Variants in JADE1 observed in about 807,000 individuals in gnomAD.
The protein encoded by JADE1 is protein Jade-1.
A neutral mutation model predicts 81.8 loss-of-function variants in JADE1; 14 were observed. That is an observed-to-expected ratio of 0.17 (90% CI 0.11 to 0.27). The LOEUF is 0.27. JADE1 is among the 10% of genes least tolerant of loss of function. The probability of loss-of-function intolerance (pLI) is 1.00; values close to 1 mark genes in which losing one functional copy is unlikely to be tolerated. For missense variants in JADE1, 690 were observed against 1,047.9 expected (o/e 0.66, Z 4.71); for synonymous variants, 353 against 391.9 (o/e 0.90, Z 1.17).
rs1293035855 is a variant in JADE1, at chr4:128,871,626, G to C, written c.1893G>C (p.Leu631Phe). The change falls in exon 11 of 11, where the codon TTG (leucine) becomes TTC (phenylalanine). Residue 631 changes from leucine to phenylalanine, a missense_variant. Coordinates refer to ENST00000226319, the MANE Select transcript of JADE1 (RefSeq NM_199320.4). The surrounding 1 kb of genome is among the most constrained non-coding windows in gnomAD (Gnocchi z 4.1). ...REGMVVPESF[L>F]GLEKTFAEAR... Reference sequence around the variant, plus strand: ...GGATGGTGGTCCCAGAGAGCTTTTTGGGTTTAGAAAAGACCTTTGCAGAAG... The same window carrying C: ...GGATGGTGGTCCCAGAGAGCTTTTTCGGTTTAGAAAAGACCTTTGCAGAAG... The C allele has an allele frequency of 6.2e-7, 1 of 1,614,144 alleles. No homozygotes were observed. Among genetic ancestry groups the C allele is most frequent in the South Asian group, 1.1e-5 (1 of 91,080 alleles).
chr4:128,835,184 G>A (rs1318108967), intron 2 of JADE1, among the ~76,000 whole-genome samples: 1 of 152,214 alleles, frequency 6.6e-6, no homozygotes, highest in African/African-American at 2.4e-5. Context: ...TGGTGGTGGA[G>A]GAGAGGAATG....
chr4:128,857,328 C>T lies in JADE1; in HGVS notation c.865-10C>T, dbSNP rs375950317. On this transcript the variant is annotated splice_polypyrimidine_tract_variant and intron_variant, in intron 7 of 10. Coordinates refer to ENST00000226319, the MANE Select transcript of JADE1 (RefSeq NM_199320.4). The stretch of plus-strand genomic sequence containing the variant: ...TGAGCCACCCTGTCTTGCTGTTTTC[C>T]GACCTTTAGGTGAGCATTGGCAGCC... The T allele has an allele frequency of 2.1e-5, 34 of 1,610,842 alleles. No individual in the cohort carries two copies. Among genetic ancestry groups the T allele is most frequent in the African/African-American group, 8.0e-5 (6 of 74,812 alleles).
chr4:128,851,490 A>G (rs931760487), intron 5 of JADE1, among the ~76,000 whole-genome samples: 1 of 152,188 alleles, frequency 6.6e-6, no homozygotes, highest in Non-Finnish European at 1.5e-5. Flanking sequence ...ATATCCTTGA[A>G]TCCTTTTAAA....
chr4:128,846,596 C>T lies in JADE1; in HGVS notation c.296+64C>T. Reference sequence around the variant, plus strand: ...CTTGCTCTTCTTCCCTGACAGCAGGCATCTGAGAAGAGACAATTTCTGTGG... The same window carrying T: ...CTTGCTCTTCTTCCCTGACAGCAGGTATCTGAGAAGAGACAATTTCTGTGG... On this transcript the variant is annotated intron_variant, in intron 4 of 10. Transcript: ENST00000226319. The surrounding 1 kb of genome is among the most constrained non-coding windows in gnomAD (Gnocchi z 4.0). 2 of 1,546,674 alleles carry T rather than the reference C, an allele frequency of 1.3e-6. No homozygotes were observed. The highest frequency in any genetic ancestry group is 1.8e-6 in the Non-Finnish European group (2 of 1,129,944).
intron 3 of JADE1, among the ~76,000 whole-genome samples, chr4:128,844,431 CAT>C (rs1290333024): frequency 3.9e-5 from 6 of 152,188 alleles, no homozygotes; most frequent in African/African-American, 1.4e-4. Context: ...AGTTGACGTC[CAT>C]TTGAGGGCCT....
intron 9 of JADE1, among the ~76,000 whole-genome samples, chr4:128,867,331 C>T (rs1335641885): frequency 1.3e-5 from 2 of 152,224 alleles, no homozygotes; most frequent in East Asian, 1.9e-4. Flanking sequence ...TTTGGTCTTC[C>T]AGTGGGCCTG....
At position 128,872,022 on chromosome 4, in the gene JADE1, A is replaced by G. The variant is rs1296890586; in HGVS notation, c.2289A>G (p.Gly763=). 1.2e-6 allele frequency: 2 copies of G among 1,613,956 alleles called. No individual in the cohort carries two copies. The highest frequency in any genetic ancestry group is 1.7e-5 in the Admixed American group (1 of 59,996). Residue 763 remains glycine (G), a synonymous_variant, in exon 11 of 11, where the codon GGA becomes GGG. Coordinates refer to ENST00000226319, the MANE Select transcript of JADE1 (RefSeq NM_199320.4). Reference sequence around the variant, plus strand: ...AGAAGGGGGAACGGCAGCAGCAGGGAGAGGCCCACGATGGGGCCTGCCACC... The same window carrying G: ...AGAAGGGGGAACGGCAGCAGCAGGGGGAGGCCCACGATGGGGCCTGCCACC... The part of the protein sequence containing the change: ...IPKKGERQQQ[G]EAHDGACHQH...
At chr4:128,843,095 G>T (rs921421851) in intron 3 of JADE1, 57 bp downstream of exon 3, 2 of 1,404,788 alleles carry the variant, frequency 1.4e-6, no homozygotes, top group African/African-American at 1.4e-5. Context: ...CATATGCCTA[G>T]TTGAGTGGTA....
chr4:128,873,294 AAAAAG>A lies in JADE1; in HGVS notation c.*1037_*1041del, dbSNP rs1224440303. Reference sequence around the variant, plus strand: ...AAAAGAAAAAAAGAAAAAAAAAAGAAAAAAGAAAAAAAGAGAAAAAAGCGAAATAG... The same window carrying A: ...AAAAGAAAAAAAGAAAAAAAAAAGAAAAAAAAAGAGAAAAAAGCGAAATAG... On this transcript the variant is annotated 3_prime_UTR_variant, in exon 11 of 11. Transcript: ENST00000226319. The A allele has an allele frequency of 6.6e-6, 1 of 151,956 alleles. No homozygotes were observed. The highest frequency in any genetic ancestry group is 1.5e-5 in the Non-Finnish European group (1 of 68,088). 9.4% of individuals were successfully genotyped at this position (151,956 alleles called of 1,614,324 possible). A position where few individuals can be genotyped will look rare whatever the true frequency, so the allele number is the denominator to read the frequency against.
chr4:128,868,840 G>A (rs1212204439), intron 10 of JADE1, among the ~76,000 whole-genome samples: 2 of 152,122 alleles, frequency 1.3e-5, no homozygotes, highest in Non-Finnish European at 2.9e-5. Context: ...TCTTAGACTG[G>A]ACTTCATTGG....
chr4:128,852,431 T>TA (rs1191516541), intron 6 of JADE1, among the ~76,000 whole-genome samples, 163 bp downstream of exon 6: 12 of 152,248 alleles, frequency 7.9e-5, no homozygotes, highest in East Asian at 1.9e-4. Context: ...AGTAGGTTCT[T>TA]ACAGTGATTG....
At chr4:128,860,400 A>G (rs890700051) in intron 8 of JADE1, among the ~76,000 whole-genome samples, 3 of 152,222 alleles carry the variant, frequency 2.0e-5, no homozygotes, top group African/African-American at 7.2e-5. Flanking sequence ...CCTGGTTGGC[A>G]GTGAGTTTCC....
Position 128,857,436 on chromosome 4 carries a change from G to C in JADE1, c.963G>C (p.Lys321Asn). The C allele has an allele frequency of 1.2e-6, 2 of 1,613,978 alleles. No individual in the cohort carries two copies. The highest frequency in any genetic ancestry group is 1.7e-6 in the Non-Finnish European group (2 of 1,179,852). ...WALVCSLCNE[K>N]FGASIQCSVK... ...TAGTGTGCAGCCTCTGCAATGAGAA[G>C]TTTGGGGCCTCTATACAGGTAATTA... Residue 321 changes from lysine to asparagine, a missense_variant, in exon 8 of 11, where the codon AAG becomes AAC. By Grantham distance (94) the Lys-to-Asn change is moderately conservative (BLOSUM62 0). Around this residue, in one of 8 missense-constraint regions of JADE1, gnomAD observed 84 missense variants for 226.6 expected, o/e 0.37. Transcript: ENST00000226319.
chr4:128,838,619 T>C (rs533176765), intron 2 of JADE1, among the ~76,000 whole-genome samples: 2 of 152,362 alleles, frequency 1.3e-5, no homozygotes, highest in African/African-American at 2.4e-5. Context: ...TTTGCTGTAG[T>C]ATAAATCACT....
At position 128,874,900 on chromosome 4, in the gene JADE1, G is replaced by A. The variant is rs779155986; in HGVS notation, c.*2638G>A. 1 of 151,846 alleles carries A rather than the reference G, an allele frequency of 6.6e-6. No homozygotes were observed. The highest frequency in any genetic ancestry group is 2.4e-5 in the African/African-American group (1 of 41,184). The allele number at this position is 151,846 out of a possible 1,614,324, so 9.4% of individuals were successfully genotyped here. On this transcript the variant is annotated 3_prime_UTR_variant, in exon 11 of 11. Coordinates refer to ENST00000226319, the MANE Select transcript of JADE1 (RefSeq NM_199320.4). ...CTAAATGAAGGGTTTTATGTGTTGT[G>A]TACAAATCTTATTTTGAAATGGACA...
intron 8 of JADE1, among the ~76,000 whole-genome samples, chr4:128,861,083 G>A (rs1731282918): frequency 1.3e-5 from 2 of 152,170 alleles, no homozygotes; most frequent in Admixed American, 1.3e-4. Flanking sequence ...GGGGAGTCAG[G>A]ATTTATGTTC....
At chr4:128,840,701 A>G (rs1330745469) in intron 2 of JADE1, among the ~76,000 whole-genome samples, 3 of 152,184 alleles carry the variant, frequency 2.0e-5, no homozygotes, top group African/African-American at 7.2e-5. Flanking sequence ...TAATGACCAG[A>G]TTTAGAACTT....
At chr4:128,810,781 G>A (rs1726279888) in intron 1 of JADE1, among the ~76,000 whole-genome samples, 1 of 151,990 alleles carries the variant, frequency 6.6e-6, no homozygotes, top group African/African-American at 2.4e-5. Context: ...AGATTCTTCC[G>A]AACTGGGCTT....
chr4:128,862,392 T>C, intron 9 of JADE1, 167 bp downstream of exon 9: 1 of 1,441,730 alleles, frequency 6.9e-7, no homozygotes, highest in Non-Finnish European at 9.1e-7. Context: ...GGTAAACTCA[T>C]TGTACATATG....
Sources: gnomAD v4.1 joint callset for allele counts (sites outside exome capture counted in the v4.1 genomes callset) on GRCh38, gnomAD v4.1.1 for gene constraint, gnomAD v4.1.1 regional missense constraint, Gnocchi (gnomAD v3.1) non-coding constraint, MANE v1.5 for transcripts, NCBI Gene and HGNC (gene_info 2026-07-23, HGNC 2026-07-21) for gene names.